Variants in SMYD3 observed in about 807,000 individuals in gnomAD.
The protein encoded by SMYD3 is histone-lysine N-methyltransferase SMYD3.
Under a neutral mutation model 57.7 loss-of-function variants are expected in SMYD3, and 36 were observed. That is an observed-to-expected ratio of 0.62 (90% CI 0.48 to 0.82). The LOEUF is 0.82. Among genes scored for constraint, SMYD3 ranks in the 40% least tolerant of loss-of-function variants. The probability of loss-of-function intolerance (pLI) is 0.00; values close to 1 mark genes in which losing one functional copy is unlikely to be tolerated. For synonymous variants in SMYD3, 211 were observed against 195.0 expected (o/e 1.08, Z -0.68); for missense variants, 515 against 538.8 (o/e 0.96, Z 0.44).
chr1:245,956,508 C>G (rs2057848047), intron 5 of SMYD3, among the ~76,000 whole-genome samples: 1 of 152,190 alleles, frequency 6.6e-6, no homozygotes, highest in South Asian at 2.1e-4. Context: ...GCAGGCAGAG[C>G]ATTATTTTTT....
chr1:246,061,757 C>T (rs7552429), intron 5 of SMYD3, among the ~76,000 whole-genome samples: 130,306 of 152,104 alleles, frequency 0.86, 56,029 homozygotes, highest in Admixed American at 0.9. Context: ...TTAAAGCTAA[C>T]AAAATATACA....
chr1:245,810,411 C>T (rs2048397456), intron 10 of SMYD3, among the ~76,000 whole-genome samples: 1 of 152,222 alleles, frequency 6.6e-6, no homozygotes, highest in Non-Finnish European at 1.5e-5. Context: ...CGCTAATCCT[C>T]CTTACTCCCT....
intron 5 of SMYD3, among the ~76,000 whole-genome samples, chr1:245,970,792 AAAC>A (rs1206312857): frequency 2.0e-5 from 3 of 152,206 alleles, no homozygotes; most frequent in African/African-American, 4.8e-5. Context: ...AAAAGTAGGG[AAAC>A]AACAGGTGCT....
chr1:246,221,429 A>T (rs560166906), intron 5 of SMYD3, among the ~76,000 whole-genome samples: 3 of 152,310 alleles, frequency 2.0e-5, no homozygotes, highest in South Asian at 4.1e-4. Context: ...CAGGGCTAAA[A>T]CATGCCCCTT....
chr1:246,127,239 A>C (rs2061523002), intron 5 of SMYD3, among the ~76,000 whole-genome samples: 1 of 152,092 alleles, frequency 6.6e-6, no homozygotes, highest in South Asian at 2.1e-4. Context: ...GTCACAAGGC[A>C]CCAGTTCCCA....
At chr1:245,904,491 G>C (rs2054416833) in intron 8 of SMYD3, among the ~76,000 whole-genome samples, 1 of 152,214 alleles carries the variant, frequency 6.6e-6, no homozygotes, top group African/African-American at 2.4e-5. Context: ...TGTTAGAGGA[G>C]AAAGGAAAAG....
chr1:245,982,940 C>T (rs1019455924), intron 5 of SMYD3, among the ~76,000 whole-genome samples: 13 of 152,228 alleles, frequency 8.5e-5, no homozygotes, highest in African/African-American at 2.7e-4. Flanking sequence ...GAATCCAAGA[C>T]TGCTGTCAGA....
intron 10 of SMYD3, among the ~76,000 whole-genome samples, chr1:245,778,826 T>TAGA (rs56065582): frequency 6.6e-6 from 1 of 150,918 alleles, no homozygotes; most frequent in East Asian, 2.0e-4. Context: ...ATGGAAAAAT[T>TAGA]TCATCAAAAT....
At chr1:245,836,926 C>T (rs1053802665) in intron 10 of SMYD3, among the ~76,000 whole-genome samples, 6 of 152,162 alleles carry the variant, frequency 3.9e-5, no homozygotes, top group Non-Finnish European at 8.8e-5. Flanking sequence ...ATGAAACAGC[C>T]TATTGTCCAT....
chr1:246,319,873 CA>C (rs781382108), intron 5 of SMYD3, among the ~76,000 whole-genome samples: 21 of 152,212 alleles, frequency 1.4e-4, no homozygotes, highest in Non-Finnish European at 2.5e-4. Context: ...AAAGGATACA[CA>C]AAAAAGTCAT....
At chr1:246,256,725 T>C (rs1056945216) in intron 5 of SMYD3, among the ~76,000 whole-genome samples, 1 of 152,142 alleles carries the variant, frequency 6.6e-6, no homozygotes, top group African/African-American at 2.4e-5. Flanking sequence ...GAAATGTTTG[T>C]TCTTGTTTTT....
intron 5 of SMYD3, among the ~76,000 whole-genome samples, chr1:246,023,321 G>A (rs1414013612): frequency 3.3e-5 from 5 of 152,160 alleles, no homozygotes; most frequent in Admixed American, 2.0e-4. Flanking sequence ...CCTTCAAAAC[G>A]AGCAATTAGA....
intron 1 of SMYD3, among the ~76,000 whole-genome samples, chr1:246,455,469 T>C (rs1206876981): frequency 6.6e-6 from 1 of 152,238 alleles, no homozygotes. Context: ...AACCAGCTAA[T>C]ATTTCATTGA....
intron 5 of SMYD3, chr1:246,326,958 T>C: frequency 1.9e-6 from 1 of 520,390 alleles, no homozygotes; most frequent in South Asian, 2.7e-5. Context: ...GGGTACACTT[T>C]GAGAATTCAC....
At chr1:245,928,807 T>G in intron 6 of SMYD3, among the ~76,000 whole-genome samples, 1 of 152,186 alleles carries the variant, frequency 6.6e-6, no homozygotes, top group East Asian at 1.9e-4. Context: ...GAAAAATAAT[T>G]AGGACTATTT....
chr1:246,142,202 A>T (rs892164223), intron 5 of SMYD3, among the ~76,000 whole-genome samples: 32 of 152,322 alleles, frequency 2.1e-4, no homozygotes, highest in African/African-American at 7.7e-4. Flanking sequence ...GCTTTTTCTT[A>T]TACATACATA....
At chr1:246,031,848 T>C (rs1023474050) in intron 5 of SMYD3, among the ~76,000 whole-genome samples, 7 of 152,062 alleles carry the variant, frequency 4.6e-5, no homozygotes, top group Non-Finnish European at 8.8e-5. Flanking sequence ...AGAGACTAAA[T>C]TGAAATCAGC....
chr1:245,880,900 G>A (rs1042283666), intron 8 of SMYD3, among the ~76,000 whole-genome samples: 4 of 152,140 alleles, frequency 2.6e-5, no homozygotes, highest in African/African-American at 9.7e-5. Context: ...GCCCAAGAGT[G>A]GAACATTGTG....
At position 246,424,125 on chromosome 1, in the gene SMYD3, ATGT is replaced by A. The variant is rs570762083; in HGVS notation, c.165-69034_165-69032del. ...TACAAAGAAATGAAGAGTGCTAGAA[ATGT>A]TGTAACAATGTACCGTGGGGTTTAT... On this transcript the variant is annotated intron_variant, in intron 1 of 11. Transcript: ENST00000490107. Among the ~76,000 whole-genome samples, 15 of 152,350 alleles carry A rather than the reference ATGT, an allele frequency of 9.8e-5. No homozygotes were observed. In the South Asian group the frequency reaches 2.7e-3, roughly 27 times the overall value.
Sources: allele counts gnomAD v4.1 joint callset (sites outside exome capture counted in the v4.1 genomes callset), GRCh38; gene constraint gnomAD v4.1.1; transcripts MANE v1.5; gene names NCBI Gene and HGNC (gene_info 2026-07-23, HGNC 2026-07-21).